TENM2: variants seen among roughly 807,000 people sequenced by gnomAD.
TENM2 encodes teneurin transmembrane protein 2, also known as teneurin-2.
Under a neutral mutation model 245.2 loss-of-function variants are expected in TENM2, and 52 were observed. The observed-to-expected ratio is 0.21, with a 90% CI of 0.17 to 0.27. The LOEUF is 0.27. Ranked by LOEUF, TENM2 falls within the 10% of genes least tolerant of loss-of-function variation. The pLI is 1.00. For synonymous variants in TENM2, 1,363 were observed against 1,438.9 expected (o/e 0.95, Z 1.19); for missense variants, 3,046 against 3,666.8 (o/e 0.83, Z 4.37).
At chr5:167,663,434 G>T (rs1162690974) in intron 2 of TENM2, among the ~76,000 whole-genome samples, 3 of 152,092 alleles carry the variant, frequency 2.0e-5, no homozygotes, top group African/African-American at 7.2e-5. Flanking sequence ...GTTGCTATCT[G>T]TTGAGAATAA....
chr5:167,939,176 C>T (rs773773356), intron 3 of TENM2, among the ~76,000 whole-genome samples: 1 of 152,150 alleles, frequency 6.6e-6, no homozygotes, highest in Non-Finnish European at 1.5e-5. Flanking sequence ...ACCAGTTTCA[C>T]GGAAGACAAA....
intron 2 of TENM2, among the ~76,000 whole-genome samples, chr5:167,685,879 T>C (rs549713862): frequency 2.5e-4 from 38 of 152,282 alleles, no homozygotes; most frequent in African/African-American, 8.9e-4. Context: ...CAACAGTGTA[T>C]GGTTGAGTAC....
chr5:167,390,456 T>A (rs1293049464), intron 2 of TENM2, among the ~76,000 whole-genome samples: 1 of 152,106 alleles, frequency 6.6e-6, no homozygotes, highest in Non-Finnish European at 1.5e-5. Context: ...TATTAAATAT[T>A]CTTAAAACTT....
rs201373151 is a variant in TENM2, at chr5:167,900,510, TG to T, written c.712+24320del. ...TGATGATCCAAATAAAAGTTGGGAG[TG>T]GGGGTAATGATTTATAAGCCCAAGG... On this transcript the variant is annotated intron_variant, in intron 3 of 28. Transcript: ENST00000518659. 3.9e-3 allele frequency among the ~76,000 whole-genome samples: 593 copies of T among 152,008 alleles called. 4 individuals are homozygous for T. Among genetic ancestry groups the T allele is most frequent in the African/African-American group, 0.013 (554 of 41,440 alleles).
At chr5:167,288,466 G>T (rs988777402) in intron 1 of TENM2, among the ~76,000 whole-genome samples, 1 of 151,902 alleles carries the variant, frequency 6.6e-6, no homozygotes, top group African/African-American at 2.4e-5. Context: ...GGCTGAGGCA[G>T]GGGAATGGCG....
At chr5:167,142,471 T>A in the TENM2 span, among the ~76,000 whole-genome samples, 3 of 151,298 alleles carry the variant, frequency 2.0e-5, no homozygotes, top group South Asian at 6.2e-4. Flanking sequence ...CATATATATA[T>A]AAATAATAAA....
At chr5:167,858,878 T>C (rs71603841) in intron 2 of TENM2, among the ~76,000 whole-genome samples, 98,777 of 123,582 alleles carry the variant, frequency 0.8, 39,352 homozygotes, top group Middle Eastern at 0.88. Flanking sequence ...AAGGAGCAGC[T>C]GCCTGCCTTG....
At chr5:168,154,894 A>G (rs1280848868) in intron 12 of TENM2, among the ~76,000 whole-genome samples, 2 of 152,228 alleles carry the variant, frequency 1.3e-5, no homozygotes, top group African/African-American at 4.8e-5. Context: ...CCACTGAAAC[A>G]AAGAGGAACA....
At chr5:167,621,865 G>C (rs1778198379) in intron 2 of TENM2, among the ~76,000 whole-genome samples, 2 of 152,132 alleles carry the variant, frequency 1.3e-5, no homozygotes, top group Admixed American at 1.3e-4. Context: ...ATTTCTGAGA[G>C]TAGAGTTGTT....
At chr5:167,086,485 G>A in the TENM2 span, among the ~76,000 whole-genome samples, 13 of 152,168 alleles carry the variant, frequency 8.5e-5, no homozygotes, top group Non-Finnish European at 1.2e-4. Context: ...TTGTATCTTC[G>A]TAAATACTCA....
At chr5:168,189,037 G>A (rs1022072745) in intron 13 of TENM2, among the ~76,000 whole-genome samples, 16 of 152,292 alleles carry the variant, frequency 1.1e-4, no homozygotes, top group African/African-American at 3.6e-4. Context: ...GTGAGGCCCT[G>A]ATTCTTGATT....
the TENM2 span, among the ~76,000 whole-genome samples, chr5:167,208,613 AG>A: frequency 2.6e-5 from 4 of 152,162 alleles, no homozygotes; most frequent in Non-Finnish European, 5.9e-5. Context: ...CCTGAGTTGG[AG>A]GGTTGTCTTC....
chr5:167,568,115 G>A (rs1038531540), intron 2 of TENM2, among the ~76,000 whole-genome samples: 1 of 152,048 alleles, frequency 6.6e-6, no homozygotes, highest in Non-Finnish European at 1.5e-5. Flanking sequence ...ATATCCAAAG[G>A]CAGGACAAGA....
At chr5:168,094,459 A>G (rs891190128) in intron 8 of TENM2, among the ~76,000 whole-genome samples, 4 of 152,170 alleles carry the variant, frequency 2.6e-5, no homozygotes, top group Non-Finnish European at 5.9e-5. Flanking sequence ...ACCTAGCTGT[A>G]GGAATGACTT....
chr5:168,111,730 G>T (rs1384043317), intron 9 of TENM2, among the ~76,000 whole-genome samples: 1 of 152,138 alleles, frequency 6.6e-6, no homozygotes, highest in Non-Finnish European at 1.5e-5. Flanking sequence ...GGGATGGAGA[G>T]AGCCCATCCC....
intron 28 of TENM2, among the ~76,000 whole-genome samples, chr5:168,260,964 G>A (rs567969573): frequency 1.2e-4 from 19 of 152,246 alleles, no homozygotes; most frequent in East Asian, 3.9e-4. Context: ...GATGGGAGGC[G>A]TTCAGATAAC....
At chr5:167,468,960 G>T (rs1766840528) in intron 2 of TENM2, among the ~76,000 whole-genome samples, 2 of 152,154 alleles carry the variant, frequency 1.3e-5, no homozygotes, top group African/African-American at 2.4e-5. Flanking sequence ...GATGCCACTT[G>T]TAAACATCTC....
At chr5:167,257,857 C>T in the TENM2 span, among the ~76,000 whole-genome samples, 1 of 151,844 alleles carries the variant, frequency 6.6e-6, no homozygotes, top group South Asian at 2.1e-4. Context: ...TAGAAGTGGT[C>T]CAAAGAAGGA....
intron 2 of TENM2, among the ~76,000 whole-genome samples, chr5:167,519,853 C>T (rs1770636476): frequency 3.9e-5 from 6 of 152,120 alleles, no homozygotes; most frequent in Admixed American, 3.9e-4. Flanking sequence ...TATATTGGCA[C>T]TCCAAGAACC....
Sources: allele counts gnomAD v4.1 joint callset (sites outside exome capture counted in the v4.1 genomes callset), GRCh38; gene constraint gnomAD v4.1.1; transcripts MANE v1.5; gene names NCBI Gene and HGNC (gene_info 2026-07-23, HGNC 2026-07-21).